Variants in FSTL5 observed in about 807,000 individuals in gnomAD.
FSTL5 encodes the protein follistatin like 5, also known as follistatin-related protein 5.
Under a neutral mutation model 89.1 loss-of-function variants are expected in FSTL5, and 62 were observed. The observed-to-expected ratio is 0.70, with a 90% CI of 0.57 to 0.86. The LOEUF (loss-of-function observed/expected upper bound fraction) is 0.86. Ranked by LOEUF, FSTL5 falls within the 40% of genes least tolerant of loss-of-function variation. The probability of loss-of-function intolerance (pLI) is 0.00; values close to 1 mark genes in which losing one functional copy is unlikely to be tolerated. For synonymous variants in FSTL5, 383 were observed against 346.2 expected (o/e 1.11, Z -1.18); for missense variants, 1,057 against 1,001.6 (o/e 1.06, Z -0.75).
chr4:161,910,593 C>T (rs1026938143), intron 4 of FSTL5, among the ~76,000 whole-genome samples: 1 of 152,138 alleles, frequency 6.6e-6, no homozygotes, highest in Non-Finnish European at 1.5e-5. Flanking sequence ...ATTACATGAA[C>T]TCCATACTCA....
At chr4:161,764,854 G>A (rs1249802840) in intron 5 of FSTL5, among the ~76,000 whole-genome samples, 3 of 152,052 alleles carry the variant, frequency 2.0e-5, no homozygotes, top group Non-Finnish European at 4.4e-5. Flanking sequence ...ATATTTTAAA[G>A]CCTAAATGTT....
intron 2 of FSTL5, among the ~76,000 whole-genome samples, chr4:162,066,155 A>G (rs1198507121): frequency 2.6e-5 from 4 of 151,468 alleles, no homozygotes; most frequent in African/African-American, 9.7e-5. Flanking sequence ...CTGTTATTTG[A>G]TTCTTTTCCA....
At position 161,575,762 on chromosome 4, in the gene FSTL5, T is replaced by G. The variant is rs140612136; in HGVS notation, c.1015+11693A>C. Among the ~76,000 whole-genome samples, 47 of 152,286 alleles carry G rather than the reference T, an allele frequency of 3.1e-4. 1 individual carries two copies. The East Asian group carries it at 8.9e-3, about 29-fold the overall frequency. ...GCCACCGTGCACGGCCGCCTAGGTTTTCTTCCAGTGTTTTTATGGTTTTGG... is the reference window on the plus strand; with the variant it reads ...GCCACCGTGCACGGCCGCCTAGGTTGTCTTCCAGTGTTTTTATGGTTTTGG... On this transcript the variant is annotated intron_variant, in intron 8 of 15. Transcript: ENST00000306100.
chr4:162,097,651 T>C (rs939274785), intron 2 of FSTL5, among the ~76,000 whole-genome samples: 2 of 151,690 alleles, frequency 1.3e-5, no homozygotes, highest in African/African-American at 4.8e-5. Flanking sequence ...TTTACAACAA[T>C]GGCAAAAATT....
At chr4:161,515,157 C>A (rs1271341470) in intron 10 of FSTL5, among the ~76,000 whole-genome samples, 1 of 151,690 alleles carries the variant, frequency 6.6e-6, no homozygotes, top group Admixed American at 6.6e-5. Context: ...TAAAAAAAAC[C>A]TCAAATTTAA....
At chr4:161,935,390 A>G (rs1578874277) in intron 3 of FSTL5, among the ~76,000 whole-genome samples, 1 of 152,122 alleles carries the variant, frequency 6.6e-6, no homozygotes, top group Non-Finnish European at 1.5e-5. Flanking sequence ...AAGGTCAAAC[A>G]CCTGTGATGT....
At chr4:161,438,354 T>C (rs1015020390) in intron 15 of FSTL5, among the ~76,000 whole-genome samples, 3 of 152,130 alleles carry the variant, frequency 2.0e-5, no homozygotes, top group Non-Finnish European at 2.9e-5. Context: ...ATGTGCTTCA[T>C]GTACTAGAGA....
At chr4:161,886,396 T>A (rs1230400576) in intron 4 of FSTL5, among the ~76,000 whole-genome samples, 1 of 152,190 alleles carries the variant, frequency 6.6e-6, no homozygotes, top group Non-Finnish European at 1.5e-5. Flanking sequence ...AAAGGTGATA[T>A]AAACTAGAGT....
intron 8 of FSTL5, among the ~76,000 whole-genome samples, chr4:161,553,088 A>G (rs909285797): frequency 5.3e-5 from 8 of 151,724 alleles, no homozygotes; most frequent in Non-Finnish European, 7.4e-5. Context: ...GGCTCCTAAC[A>G]TTTTATGAAA....
At chr4:161,416,422 C>T (rs923579462) in intron 15 of FSTL5, among the ~76,000 whole-genome samples, 4 of 152,166 alleles carry the variant, frequency 2.6e-5, no homozygotes, top group Admixed American at 2.6e-4. Flanking sequence ...TCTTTCCCTA[C>T]TATTTGGCTA....
chr4:161,457,294 A>C (rs921696220), intron 14 of FSTL5, among the ~76,000 whole-genome samples: 1 of 152,192 alleles, frequency 6.6e-6, no homozygotes. Context: ...GATACTTCTC[A>C]ATTCCTACAC....
At chr4:161,609,505 G>A (rs1049256960) in intron 7 of FSTL5, among the ~76,000 whole-genome samples, 2 of 152,042 alleles carry the variant, frequency 1.3e-5, no homozygotes, top group African/African-American at 4.8e-5. Flanking sequence ...ATTGGATTAT[G>A]TAGCAAAAAT....
chr4:161,856,091 TAAC>T (rs1444816136), intron 4 of FSTL5, among the ~76,000 whole-genome samples: 1 of 152,056 alleles, frequency 6.6e-6, no homozygotes, highest in Non-Finnish European at 1.5e-5. Context: ...ATATCAATAA[TAAC>T]AAGTACTAAT....
chr4:161,843,325 A>G (rs531743775), intron 4 of FSTL5, among the ~76,000 whole-genome samples: 9 of 152,138 alleles, frequency 5.9e-5, no homozygotes, highest in African/African-American at 1.7e-4. Flanking sequence ...CTTGATGGAG[A>G]TAGCACTGAA....
At chr4:161,605,927 A>G (rs1019991341) in intron 7 of FSTL5, among the ~76,000 whole-genome samples, 2 of 152,184 alleles carry the variant, frequency 1.3e-5, no homozygotes, top group African/African-American at 4.8e-5. Flanking sequence ...ATGTAATGCA[A>G]GCAGAGACAT....
At chr4:161,417,771 A>G (rs1437381819) in intron 15 of FSTL5, among the ~76,000 whole-genome samples, 8 of 152,222 alleles carry the variant, frequency 5.3e-5, no homozygotes, top group African/African-American at 1.9e-4. Flanking sequence ...CATCTTGCAC[A>G]TACTTCCACG....
intron 12 of FSTL5, among the ~76,000 whole-genome samples, chr4:161,499,036 T>C (rs535115088): frequency 1.4e-4 from 21 of 152,074 alleles, no homozygotes; most frequent in South Asian, 6.2e-4. Flanking sequence ...ACCACGTCTC[T>C]ATGAAAAATA....
intron 15 of FSTL5, among the ~76,000 whole-genome samples, chr4:161,403,231 A>G (rs988557780): frequency 4.6e-5 from 7 of 152,078 alleles, no homozygotes; most frequent in Non-Finnish European, 7.4e-5. Context: ...AATTCTTCCT[A>G]TAGGATTTCC....
chr4:161,884,262 T>G (rs1732729819), intron 4 of FSTL5, among the ~76,000 whole-genome samples: 1 of 152,062 alleles, frequency 6.6e-6, no homozygotes, highest in African/African-American at 2.4e-5. Flanking sequence ...GGTCTCAAAC[T>G]CCTGACCTCG....
Sources: allele counts gnomAD v4.1 joint callset (sites outside exome capture counted in the v4.1 genomes callset), GRCh38; gene constraint gnomAD v4.1.1; transcripts MANE v1.5; gene names NCBI Gene and HGNC (gene_info 2026-07-23, HGNC 2026-07-21).